Variants in PLAT observed in about 807,000 individuals in gnomAD.
PLAT encodes tissue-type plasminogen activator.
In PLAT, 48 loss-of-function variants were observed where a neutral mutation model predicts 74.9. That is an observed-to-expected ratio of 0.64 (90% CI 0.51 to 0.82). The LOEUF is 0.82. Ranked by LOEUF, PLAT falls within the 40% of genes least tolerant of loss-of-function variation. The probability of loss-of-function intolerance (pLI) is 0.00; values close to 1 mark genes in which losing one functional copy is unlikely to be tolerated. For missense variants in PLAT, 673 were observed against 736.2 expected (o/e 0.91, Z 0.99); for synonymous variants, 307 against 294.4 (o/e 1.04, Z -0.44).
intron 9 of PLAT, 50 bp from the exon 10 acceptor site, chr8:42,180,735 G>A (rs759349897): frequency 8.7e-6 from 12 of 1,377,996 alleles, no homozygotes; most frequent in South Asian, 4.1e-5. Flanking sequence ...CCTCCTGCAC[G>A]TGTGTAGGTA....
intron 7 of PLAT, among the ~76,000 whole-genome samples, chr8:42,183,756 A>G (rs1587931662): frequency 6.6e-6 from 1 of 152,228 alleles, no homozygotes; most frequent in East Asian, 1.9e-4. Flanking sequence ...TAGATCTGCG[A>G]GTCCTCATTT....
chr8:42,178,357 G>A (rs1368589405), intron 13 of PLAT, among the ~76,000 whole-genome samples: 1 of 145,938 alleles, frequency 6.9e-6, no homozygotes, highest in East Asian at 2.0e-4. Context: ...TGCAACCTCT[G>A]CCTCCCGGGT....
chr8:42,201,382 C>T (rs1156767143), intron 1 of PLAT, among the ~76,000 whole-genome samples: 1 of 152,176 alleles, frequency 6.6e-6, no homozygotes, highest in Non-Finnish European at 1.5e-5. Context: ...GCAGGAGCGA[C>T]CTGCACCTAC....
At chr8:42,198,468 C>T (rs35011721) in intron 1 of PLAT, among the ~76,000 whole-genome samples, 7,814 of 152,288 alleles carry the variant, frequency 0.051, 266 homozygotes, top group Non-Finnish European at 0.077. Context: ...GCCTGGGCGA[C>T]AGAGCAGGAC....
chr8:42,194,120 A>G (rs1370592447), intron 1 of PLAT, among the ~76,000 whole-genome samples: 5 of 133,418 alleles, frequency 3.7e-5, no homozygotes, highest in South Asian at 4.6e-4. Context: ...TGGCATGAAC[A>G]TGGTTCACTG....
intron 1 of PLAT, among the ~76,000 whole-genome samples, chr8:42,196,730 C>T (rs1404090453): frequency 6.6e-6 from 1 of 151,298 alleles, no homozygotes; most frequent in Admixed American, 6.6e-5. Flanking sequence ...ATGACATTGG[C>T]GGAAGGGATG....
At chr8:42,207,275 C>T (rs964632286) in intron 1 of PLAT, among the ~76,000 whole-genome samples, 5 of 152,164 alleles carry the variant, frequency 3.3e-5, no homozygotes, top group South Asian at 2.1e-4. Context: ...TCCCTTTCCC[C>T]GACTGCCTCT....
At chr8:42,205,685 GT>G (rs1359956970) in intron 1 of PLAT, among the ~76,000 whole-genome samples, 2 of 152,170 alleles carry the variant, frequency 1.3e-5, no homozygotes, top group Non-Finnish European at 2.9e-5. Flanking sequence ...CCTACTTCGA[GT>G]TGTCCTGCCT....
chr8:42,205,569 ACTCTTC>A (rs1806299508), intron 1 of PLAT, among the ~76,000 whole-genome samples: 1 of 151,250 alleles, frequency 6.6e-6, no homozygotes, highest in Non-Finnish European at 1.5e-5. Flanking sequence ...GGCATAAGTG[ACTCTTC>A]CTCTGCCCCC....
chr8:42,197,717 C>T (rs1163385828), intron 1 of PLAT, among the ~76,000 whole-genome samples: 5 of 152,202 alleles, frequency 3.3e-5, no homozygotes, highest in Admixed American at 3.3e-4. Flanking sequence ...TTACATCCCC[C>T]TCTATCTGCC....
Position 42,193,422 on chromosome 8 carries a change from G to A in PLAT, c.-26-211C>T, listed in dbSNP as rs187274163. 5.3e-5 allele frequency among the ~76,000 whole-genome samples: 8 copies of A among 152,230 alleles called. No individual in the cohort carries two copies. In the East Asian group the frequency reaches 1.4e-3, roughly 26 times the overall value. The stretch of plus-strand genomic sequence containing the variant: ...ATAACACAAAATTTACCACCTTAAC[G>A]ATGTTCAGTGCACAGTTCAGTGGCA... On this transcript the variant is annotated intron_variant, in intron 1 of 13. Transcript: ENST00000220809.
intron 4 of PLAT, chr8:42,188,363 A>C: frequency 4.7e-6 from 1 of 214,230 alleles, no homozygotes; most frequent in Non-Finnish European, 9.2e-6. Context: ...CTCACAGCAA[A>C]CCATGAAGTG....
At position 42,179,073 on chromosome 8, in the gene PLAT, G is replaced by A; in HGVS notation, c.1364-10C>T. ...GAATAGAAAGGAGACACTGAAAGGG[G>A]AGAACCATCATATGGTTTTAGGGAA... On this transcript the variant is annotated splice_polypyrimidine_tract_variant and intron_variant, in intron 12 of 13. Transcript: ENST00000220809. The A allele has an allele frequency of 6.2e-7, 1 of 1,601,258 alleles. No individual in the cohort carries two copies. Among genetic ancestry groups the A allele is most frequent in the South Asian group, 1.1e-5 (1 of 89,634 alleles).
At chr8:42,190,329 T>A (rs1353558284) in intron 3 of PLAT, among the ~76,000 whole-genome samples, 2 of 152,206 alleles carry the variant, frequency 1.3e-5, no homozygotes, top group Non-Finnish European at 2.9e-5. Context: ...AAATGATGCA[T>A]TTTTGGCCCC....
chr8:42,194,050 C>CATTTTT (rs1805797879), intron 1 of PLAT, among the ~76,000 whole-genome samples: 1 of 84,922 alleles, frequency 1.2e-5, no homozygotes, highest in Non-Finnish European at 2.0e-5. Flanking sequence ...TTTCTTCTTT[C>CATTTTT]TTTTTTTTTT....
intron 2 of PLAT, 150 bp from the exon 3 acceptor site, chr8:42,191,564 C>G (rs1805688607): frequency 4.4e-6 from 3 of 689,372 alleles, no homozygotes; most frequent in South Asian, 1.6e-5. Context: ...GAAAGTCCAT[C>G]TCCTGCCTTC....
At chr8:42,191,111 G>A (rs1805666290) in intron 3 of PLAT, among the ~76,000 whole-genome samples, 1 of 152,200 alleles carries the variant, frequency 6.6e-6, no homozygotes, top group Non-Finnish European at 1.5e-5. Flanking sequence ...GCCCCCGCTA[G>A]GTTGTGATCC....
intron 1 of PLAT, among the ~76,000 whole-genome samples, chr8:42,201,549 G>A (rs1806132608): frequency 6.6e-6 from 1 of 152,112 alleles, no homozygotes; most frequent in Non-Finnish European, 1.5e-5. Context: ...CCGACCACCT[G>A]TGTTAGCCTA....
chr8:42,183,041 G>T (rs1805314280), intron 7 of PLAT, 151 bp from the exon 8 acceptor site: 3 of 592,258 alleles, frequency 5.1e-6, no homozygotes, highest in Admixed American at 3.1e-5. Context: ...TTCCCCTTTT[G>T]TTGCCCAGGC....
Sources: allele counts gnomAD v4.1 joint callset (sites outside exome capture counted in the v4.1 genomes callset), GRCh38; gene constraint gnomAD v4.1.1; transcripts MANE v1.5; gene names NCBI Gene and HGNC (gene_info 2026-07-23, HGNC 2026-07-21).